Variants in BUB1B observed in about 807,000 individuals in gnomAD.
BUB1B encodes the protein BUB1 mitotic checkpoint serine/threonine kinase B, also known as mitotic checkpoint serine/threonine-protein kinase BUB1 beta.
In BUB1B, 86 loss-of-function variants were observed where a neutral mutation model predicts 137.7. The observed-to-expected ratio is 0.62, with a 90% CI of 0.52 to 0.75. The LOEUF (loss-of-function observed/expected upper bound fraction) is 0.75. Among genes scored for constraint, BUB1B ranks in the 30% least tolerant of loss-of-function variants. The pLI is 0.00. For synonymous variants in BUB1B, 420 were observed against 417.9 expected (o/e 1.00, Z -0.06); for missense variants, 1,130 against 1,236.9 (o/e 0.91, Z 1.30).
chr15:40,185,668 A>G, intron 8 of BUB1B, 26 bp downstream of exon 8: 1 of 1,595,164 alleles, frequency 6.3e-7, no homozygotes, highest in Admixed American at 1.7e-5. Context: ...GGATATTTTG[A>G]AGTGGGAATT....
intron 9 of BUB1B, 95 bp downstream of exon 9, chr15:40,196,869 G>T (rs914800317): frequency 1.8e-6 from 2 of 1,113,906 alleles, no homozygotes; most frequent in African/African-American, 1.6e-5. Flanking sequence ...CTTATAGTTT[G>T]TACCTTTGTA....
chr15:40,185,496 ATG>A, intron 7 of BUB1B, 53 bp from the exon 8 acceptor site: 1 of 1,595,754 alleles, frequency 6.3e-7, no homozygotes, highest in East Asian at 2.2e-5. Flanking sequence ...TGGTCTATAT[ATG>A]CTGTCTGAGA....
At chr15:40,169,086 T>C (rs568278726) in intron 2 of BUB1B, among the ~76,000 whole-genome samples, 13 of 152,358 alleles carry the variant, frequency 8.5e-5, no homozygotes, top group African/African-American at 3.1e-4. Flanking sequence ...GCTTATCCAA[T>C]TTTTATTAAT....
In BUB1B at chr15:40,183,713, G is replaced by A. The variant is rs778292065; in HGVS notation, c.582-1G>A. On this transcript the variant is annotated splice_acceptor_variant, in intron 5 of 22. Coordinates refer to ENST00000287598, the MANE Select transcript of BUB1B (RefSeq NM_001211.6). LOFTEE classifies it high-confidence loss of function. ...AAAAGTTGTGCATTCTGCTACTTTAGACAATTCCAAGCTCGAGTGTCTCGG... is the reference window on the plus strand; with the variant it reads ...AAAAGTTGTGCATTCTGCTACTTTAAACAATTCCAAGCTCGAGTGTCTCGG... The A allele has an allele frequency of 2.5e-6, 4 of 1,613,884 alleles. No individual in the cohort carries two copies. The highest frequency in any genetic ancestry group is 3.4e-6 in the Non-Finnish European group (4 of 1,179,948).
At position 40,210,219 on chromosome 15, in the gene BUB1B, G is replaced by A; in HGVS notation, c.2385+9G>A. The A allele has an allele frequency of 6.4e-7, 1 of 1,563,890 alleles. No individual in the cohort carries two copies. Among genetic ancestry groups the A allele is most frequent in the Non-Finnish European group, 8.8e-7 (1 of 1,134,696 alleles). ...AATTAACAGTAATAAAGGTGGGACTGATTCTTTATAATTTCAGTTACTTTG... is the reference window on the plus strand; with the variant it reads ...AATTAACAGTAATAAAGGTGGGACTAATTCTTTATAATTTCAGTTACTTTG... On this transcript the variant is annotated intron_variant, in intron 18 of 22. Transcript: ENST00000287598.
intron 15 of BUB1B, among the ~76,000 whole-genome samples, chr15:40,207,753 A>G (rs2037655284): frequency 6.6e-6 from 1 of 151,236 alleles, no homozygotes; most frequent in African/African-American, 2.4e-5. Context: ...AAATGAGACT[A>G]TTGCTGAGTG....
chr15:40,180,290 G>A (rs1482083765), intron 5 of BUB1B, among the ~76,000 whole-genome samples: 1 of 109,676 alleles, frequency 9.1e-6, no homozygotes, highest in African/African-American at 3.7e-5. Context: ...GTCTTGCTCT[G>A]TCACCCAGGC....
At chr15:40,164,900 G>A (rs1205311982) in intron 1 of BUB1B, among the ~76,000 whole-genome samples, 153 bp from the exon 2 acceptor site, 3 of 152,032 alleles carry the variant, frequency 2.0e-5, no homozygotes, top group Non-Finnish European at 2.9e-5. Flanking sequence ...TAACAAAGAA[G>A]CTTAGGCATA....
chr15:40,170,398 A>G, intron 3 of BUB1B, 139 bp from the exon 4 acceptor site: 2 of 1,044,900 alleles, frequency 1.9e-6, no homozygotes, highest in Non-Finnish European at 2.9e-6. Flanking sequence ...AGTTTGAGGG[A>G]TACAGGCTTA....
At chr15:40,208,821 C>T (rs1438599283) in intron 16 of BUB1B, 51 bp downstream of exon 16, 1 of 1,553,416 alleles carries the variant, frequency 6.4e-7, no homozygotes, top group Non-Finnish European at 8.9e-7. Flanking sequence ...TTGTTTATCT[C>T]AGCAAACTGA....
At chr15:40,180,104 A>G (rs1056290071) in intron 5 of BUB1B, among the ~76,000 whole-genome samples, 2 of 151,660 alleles carry the variant, frequency 1.3e-5, no homozygotes, top group African/African-American at 4.8e-5. Flanking sequence ...TTCAGTCTGA[A>G]GAACTTCTTT....
Position 40,189,721 on chromosome 15 carries a change from T to C in BUB1B, c.1058+4079T>C, listed in dbSNP as rs150602832. The stretch of plus-strand genomic sequence containing the variant: ...CATGTGTTTTCGTTTTTCTTGGCTG[T>C]ATACCTAGGAGAGGAATTGCTGGAT... On this transcript the variant is annotated intron_variant, in intron 8 of 22. Coordinates refer to ENST00000287598, the MANE Select transcript of BUB1B (RefSeq NM_001211.6). 1.0e-3 allele frequency among the ~76,000 whole-genome samples: 156 copies of C among 152,358 alleles called. 4 individuals are homozygous for C. The East Asian group carries it at 0.024, about 23-fold the overall frequency.
intron 4 of BUB1B, chr15:40,174,087 T>G (rs1328397434): frequency 3.1e-6 from 1 of 325,836 alleles, no homozygotes; most frequent in Non-Finnish European, 5.8e-6. Flanking sequence ...TGTTATTTCT[T>G]AAGTGATCTT....
At chr15:40,198,408 C>A (rs1026762301) in intron 9 of BUB1B, among the ~76,000 whole-genome samples, 4 of 152,092 alleles carry the variant, frequency 2.6e-5, no homozygotes, top group Non-Finnish European at 5.9e-5. Flanking sequence ...GTCTCTGAAT[C>A]TATTTCATGA....
chr15:40,195,533 T>G (rs2037487426), intron 8 of BUB1B, among the ~76,000 whole-genome samples: 1 of 152,218 alleles, frequency 6.6e-6, no homozygotes, highest in African/African-American at 2.4e-5. Flanking sequence ...GTGGATCTAC[T>G]TTTAGTTCCT....
rs73389536 is a variant in BUB1B at position 40,184,185 on chromosome 15, A to G, written c.751+302A>G. 0.06 allele frequency among the ~76,000 whole-genome samples: 9,208 copies of G among 152,272 alleles called. 914 individuals are homozygous for G. The highest frequency in any genetic ancestry group is 0.21 in the African/African-American group (8,680 of 41,518). On this transcript the variant is annotated intron_variant, in intron 6 of 22. Transcript: ENST00000287598. ...CAGGTGTTGTTAAAGTGAAGCTTAC[A>G]TATACCAAAGCCTCAGAGAATGATA...
At chr15:40,179,465 A>C (rs553911536) in intron 5 of BUB1B, among the ~76,000 whole-genome samples, 84 of 152,264 alleles carry the variant, frequency 5.5e-4, no homozygotes, top group African/African-American at 2.0e-3. Context: ...CTTTAGTGAC[A>C]CTTATGTTAA....
chr15:40,217,439 A>C, intron 20 of BUB1B, 57 bp from the exon 21 acceptor site: 1,834 of 1,412,796 alleles, frequency 1.3e-3, no homozygotes, highest in Non-Finnish European at 1.7e-3. Flanking sequence ...AAGACCAGCT[A>C]TGCAGCTTCT....
intron 21 of BUB1B, 35 bp downstream of exon 21, chr15:40,217,702 G>A (rs377085095): frequency 2.7e-5 from 44 of 1,611,532 alleles, no homozygotes; most frequent in African/African-American, 4.0e-5. Context: ...AATATGGAGA[G>A]GGTTTCTTAA....
Sources: gnomAD v4.1 joint callset for allele counts (sites outside exome capture counted in the v4.1 genomes callset) on GRCh38, gnomAD v4.1.1 for gene constraint, MANE v1.5 for transcripts, NCBI Gene and HGNC (gene_info 2026-07-23, HGNC 2026-07-21) for gene names.